MAP3K9: variants seen among roughly 807,000 people sequenced by gnomAD.
MAP3K9 encodes the protein mitogen-activated protein kinase kinase kinase 9, also known as mixed lineage kinase 1 (tyr and ser/thr specificity).
MAP3K9 carries 46 observed loss-of-function variants against 95.8 expected under a neutral mutation model. The observed-to-expected ratio is 0.48, with a 90% confidence interval of 0.38 to 0.61. The LOEUF (loss-of-function observed/expected upper bound fraction) is 0.61. Ranked by LOEUF, MAP3K9 falls within the 20% of genes least tolerant of loss-of-function variation. The pLI is 0.00. For missense variants in MAP3K9, 1,296 were observed against 1,474.3 expected (o/e 0.88, Z 1.98); for synonymous variants, 533 against 593.8 (o/e 0.90, Z 1.49).
intron 3 of MAP3K9, among the ~76,000 whole-genome samples, chr14:70,751,390 C>T (rs1023756561): frequency 6.6e-6 from 1 of 152,112 alleles, no homozygotes; most frequent in Non-Finnish European, 1.5e-5. Context: ...TTGCAACCAG[C>T]AACAAAGGTC....
rs560690761 is a variant in MAP3K9, at chr14:70,740,968, G to A, written c.1568-804C>T. On this transcript the variant is annotated intron_variant, in intron 6 of 11. Coordinates refer to ENST00000554752, the MANE Select transcript of MAP3K9 (RefSeq NM_001284230.2). The stretch of plus-strand genomic sequence containing the variant: ...GTGCAGCAAGGGGACCAGCAAACAC[G>A]GCTCATAAACATATTCACTCAACTG... Among the ~76,000 whole-genome samples, 19 of 152,306 alleles carry A rather than the reference G, an allele frequency of 1.2e-4. No individual in the cohort carries two copies. In the East Asian group the frequency reaches 3.7e-3, roughly 29 times the overall value.
intron 1 of MAP3K9, among the ~76,000 whole-genome samples, chr14:70,803,118 T>G (rs568579796): frequency 1.3e-5 from 2 of 152,096 alleles, no homozygotes; most frequent in South Asian, 4.2e-4. Context: ...CCACGTGACA[T>G]GCCTGCTCCC....
chr14:70,731,176 T>C (rs2053897600), intron 11 of MAP3K9, among the ~76,000 whole-genome samples: 1 of 152,016 alleles, frequency 6.6e-6, no homozygotes, highest in Non-Finnish European at 1.5e-5. Flanking sequence ...TGGAGTACAG[T>C]GGCTCATGCC....
intron 7 of MAP3K9, among the ~76,000 whole-genome samples, chr14:70,739,236 T>C (rs2054030606): frequency 6.6e-6 from 1 of 152,220 alleles, no homozygotes; most frequent in Non-Finnish European, 1.5e-5. Context: ...TTCAAGCGAT[T>C]CTCTTGCCTC....
At chr14:70,735,287 G>T (rs1160024076) in intron 9 of MAP3K9, among the ~76,000 whole-genome samples, 2 of 152,082 alleles carry the variant, frequency 1.3e-5, no homozygotes, top group Admixed American at 6.6e-5. Context: ...CTTTTCCCTA[G>T]AGGACAGTAA....
intron 5 of MAP3K9, among the ~76,000 whole-genome samples, chr14:70,743,343 G>C (rs2054102273): frequency 6.6e-6 from 1 of 152,080 alleles, no homozygotes; most frequent in Non-Finnish European, 1.5e-5. Flanking sequence ...GGCAACAAAA[G>C]CCAAAATTAA....
At chr14:70,770,897 A>G (rs2054522942) in intron 2 of MAP3K9, among the ~76,000 whole-genome samples, 1 of 152,022 alleles carries the variant, frequency 6.6e-6, no homozygotes, top group South Asian at 2.1e-4. Context: ...GTAGTTCCTT[A>G]GAAAGGACGC....
chr14:70,807,058 T>C (rs181809414), intron 1 of MAP3K9, among the ~76,000 whole-genome samples: 116 of 152,208 alleles, frequency 7.6e-4, no homozygotes, highest in Middle Eastern at 3.4e-3. Context: ...AAAAATGAAG[T>C]TTTAAACTGA....
chr14:70,779,119 T>C (rs1017451801), intron 2 of MAP3K9, among the ~76,000 whole-genome samples: 3 of 152,156 alleles, frequency 2.0e-5, no homozygotes, highest in Admixed American at 2.0e-4. Context: ...TAGTCCCTTG[T>C]AGCTGGAGCA....
At chr14:70,788,464 G>A (rs986478121) in intron 2 of MAP3K9, among the ~76,000 whole-genome samples, 3 of 152,054 alleles carry the variant, frequency 2.0e-5, no homozygotes, top group African/African-American at 7.2e-5. Flanking sequence ...CATTATTCCC[G>A]CTTTACATCT....
chr14:70,797,817 A>C (rs961465709), intron 2 of MAP3K9, among the ~76,000 whole-genome samples: 1 of 152,222 alleles, frequency 6.6e-6, no homozygotes, highest in East Asian at 1.9e-4. Flanking sequence ...ATCGAGGCTC[A>C]TATTAGACGT....
At chr14:70,775,596 C>CACT (rs1235215742) in intron 2 of MAP3K9, among the ~76,000 whole-genome samples, 3 of 152,204 alleles carry the variant, frequency 2.0e-5, no homozygotes, top group Non-Finnish European at 4.4e-5. Context: ...ATGCCCATAA[C>CACT]ACTACTGAAC....
chr14:70,771,805 T>G (rs1469500318), intron 2 of MAP3K9, among the ~76,000 whole-genome samples: 2 of 152,172 alleles, frequency 1.3e-5, no homozygotes, highest in Admixed American at 1.3e-4. Context: ...CCTTTAGGGC[T>G]CCTGAGTGGC....
At chr14:70,798,757 C>T (rs1013576758) in intron 2 of MAP3K9, among the ~76,000 whole-genome samples, 22 of 151,942 alleles carry the variant, frequency 1.4e-4, no homozygotes, top group Non-Finnish European at 1.5e-4. Context: ...GGATTACAGG[C>T]GTGAGCCACC....
intron 2 of MAP3K9, among the ~76,000 whole-genome samples, chr14:70,767,656 C>G (rs1048163730): frequency 2.4e-4 from 36 of 152,102 alleles, no homozygotes; most frequent in Non-Finnish European, 5.9e-5. Context: ...ATCTCAACGG[C>G]CTTTCGCCTT....
intron 2 of MAP3K9, among the ~76,000 whole-genome samples, chr14:70,768,120 T>G (rs1489868289): frequency 1.3e-5 from 2 of 152,184 alleles, no homozygotes; most frequent in Non-Finnish European, 2.9e-5. Context: ...TCAAAATAAT[T>G]TAATTGTACA....
At chr14:70,739,027 A>C (rs1413007395) in intron 7 of MAP3K9, among the ~76,000 whole-genome samples, 2 of 152,234 alleles carry the variant, frequency 1.3e-5, no homozygotes, top group Admixed American at 6.5e-5. Context: ...GGCTGAGGCA[A>C]AATATGGAGT....
At chr14:70,781,618 T>C (rs1445670779) in intron 2 of MAP3K9, among the ~76,000 whole-genome samples, 3 of 152,104 alleles carry the variant, frequency 2.0e-5, no homozygotes, top group Non-Finnish European at 4.4e-5. Flanking sequence ...AAGGAAAAAC[T>C]ACCTTTTACT....
At chr14:70,793,040 T>C (rs527292667) in intron 2 of MAP3K9, among the ~76,000 whole-genome samples, 2 of 152,106 alleles carry the variant, frequency 1.3e-5, no homozygotes, top group Admixed American at 1.3e-4. Context: ...AATCCAACAA[T>C]TCAACAAAAC....
Sources: gnomAD v4.1 joint callset for allele counts (sites outside exome capture counted in the v4.1 genomes callset) on GRCh38, gnomAD v4.1.1 for gene constraint, MANE v1.5 for transcripts, NCBI Gene and HGNC (gene_info 2026-07-23, HGNC 2026-07-21) for gene names.